The following SLC6A5 variants were observed in gnomAD, a reference collection of about 807,000 sequenced individuals.
SLC6A5 encodes the protein solute carrier family 6 member 5, also known as sodium- and chloride-dependent glycine transporter 2.
Under a neutral mutation model 90.5 loss-of-function variants are expected in SLC6A5, and 58 were observed. That is an observed-to-expected ratio of 0.64 (90% CI 0.52 to 0.80). SLC6A5 has a LOEUF of 0.80. SLC6A5 is among the 30% of genes least tolerant of loss of function. The pLI is 0.00. For missense variants in SLC6A5, 1,015 were observed against 1,017.6 expected, an observed-to-expected ratio of 1.00 and a Z score of 0.03; for synonymous variants, 427 against 401.4, an observed-to-expected ratio of 1.06 and a Z score of -0.76.
intron 6 of SLC6A5, among the ~76,000 whole-genome samples, chr11:20,616,784 C>T (rs1047431186): frequency 6.6e-6 from 1 of 152,154 alleles, no homozygotes; most frequent in Non-Finnish European, 1.5e-5. Flanking sequence ...CTGTGTGTTG[C>T]CAAACAGCCT....
chr11:20,611,539 A>G (rs1282010099), intron 5 of SLC6A5, among the ~76,000 whole-genome samples: 1 of 152,212 alleles, frequency 6.6e-6, no homozygotes, highest in Admixed American at 6.5e-5. Context: ...TCTCTGTCCC[A>G]GGACTTCACC....
At chr11:20,611,517 CT>C (rs1039271352) in intron 5 of SLC6A5, among the ~76,000 whole-genome samples, 7 of 152,290 alleles carry the variant, frequency 4.6e-5, no homozygotes, top group Admixed American at 2.0e-4. Context: ...TGTGAGAATG[CT>C]TTTCTTCATC....
chr11:20,642,001 A>G (rs1853322925), intron 13 of SLC6A5, among the ~76,000 whole-genome samples: 1 of 152,154 alleles, frequency 6.6e-6, no homozygotes, highest in Non-Finnish European at 1.5e-5. Context: ...CTTAGGGAGT[A>G]TTAAGCTGAG....
In SLC6A5 at chr11:20,601,286, C is replaced by G; in HGVS notation, c.161C>G (p.Ser54Cys). The G allele has an allele frequency of 1.3e-6, 2 of 1,588,942 alleles. No homozygotes were observed. Among genetic ancestry groups the G allele is most frequent in the East Asian group, 4.5e-5 (2 of 44,262 alleles). ...CCGCCGCCGCCACGTGTGCCCAGGT[C>G]CGCTTCCACCGGCGCCCAAACTTTC... ...AAPPPPRVPR[S>C]ASTGAQTFQS... is the part of the protein sequence containing the mutation. Residue 54 changes from serine (S) to cysteine (C), a missense_variant, in exon 2 of 16, where the codon TCC (serine) becomes TGC (cysteine). Around this residue, in one of 3 missense-constraint regions of SLC6A5, gnomAD observed 567 missense variants for 507.3 expected, o/e 1.12. Transcript: ENST00000525748.
Position 20,652,589 on chromosome 11 carries a change from C to T in SLC6A5, c.2238+133C>T, listed in dbSNP as rs932404307. On this transcript the variant is annotated intron_variant, in intron 15 of 15. Coordinates refer to ENST00000525748, the MANE Select transcript of SLC6A5 (RefSeq NM_004211.5). ...TTGGTGATGAAGCGATTACAGTTGC[C>T]ACCGTTTCTGTTAAACCCATTTTTA... 4.3e-6 allele frequency: 4 copies of T among 936,648 alleles called. No individual in the cohort carries two copies. The Admixed American group carries it at 6.9e-5, about 16-fold the overall frequency. 58.0% of individuals were successfully genotyped at this position (936,648 alleles called of 1,614,324 possible).
intron 14 of SLC6A5, among the ~76,000 whole-genome samples, chr11:20,651,117 T>G (rs1483418274): frequency 1.3e-5 from 2 of 152,138 alleles, no homozygotes; most frequent in African/African-American, 4.8e-5. Context: ...CTCCGGGATG[T>G]GGGCCATTCC....
intron 7 of SLC6A5, among the ~76,000 whole-genome samples, chr11:20,624,477 C>A (rs1220461939): frequency 1.4e-5 from 2 of 139,664 alleles, no homozygotes; most frequent in Non-Finnish European, 3.2e-5. Flanking sequence ...TTCATCTCAG[C>A]TCTAAACTTT....
At chr11:20,615,785 C>A (rs998052140) in intron 6 of SLC6A5, among the ~76,000 whole-genome samples, 4 of 143,164 alleles carry the variant, frequency 2.8e-5, no homozygotes, top group Admixed American at 1.5e-4. Flanking sequence ...TCGGGCATGG[C>A]AGGAATATAA....
At chr11:20,618,790 A>G (rs1852833146) in intron 7 of SLC6A5, among the ~76,000 whole-genome samples, 1 of 152,026 alleles carries the variant, frequency 6.6e-6, no homozygotes, top group Admixed American at 6.6e-5. Flanking sequence ...TACAAAAATT[A>G]GCTGGGCATG....
chr11:20,633,946 A>G (rs923380480), intron 10 of SLC6A5, among the ~76,000 whole-genome samples: 7 of 152,078 alleles, frequency 4.6e-5, no homozygotes, highest in African/African-American at 1.7e-4. Context: ...ATCTTGGCTC[A>G]CTGCAACTTC....
chr11:20,627,855 G>A (rs1314731486), intron 8 of SLC6A5, 125 bp from the exon 9 acceptor site: 4 of 733,484 alleles, frequency 5.5e-6, no homozygotes, highest in Non-Finnish European at 4.9e-6. Context: ...TGATGTTGAT[G>A]TCGGGGGTCA....
intron 10 of SLC6A5, among the ~76,000 whole-genome samples, chr11:20,635,400 C>CA (rs1853185709): frequency 3.6e-5 from 5 of 138,260 alleles, no homozygotes; most frequent in Non-Finnish European, 8.1e-5. Context: ...TTTCATGCGC[C>CA]GCCCCCCCGC....
chr11:20,635,278 C>A lies in SLC6A5; in HGVS notation c.1625-1029C>A, dbSNP rs181174112. The stretch of plus-strand genomic sequence containing the variant: ...ATTTTACAGATGGACAAAATTGAGG[C>A]TTACAGAAATTAAATAACTTGTCTA... On this transcript the variant is annotated intron_variant, in intron 10 of 15. Coordinates refer to ENST00000525748, the MANE Select transcript of SLC6A5 (RefSeq NM_004211.5). Among the ~76,000 whole-genome samples the A allele has an allele frequency of 7.2e-5, 11 of 152,232 alleles. No homozygotes were observed. In the East Asian group the frequency reaches 1.9e-3, roughly 27 times the overall value.
intron 6 of SLC6A5, among the ~76,000 whole-genome samples, chr11:20,617,379 C>T (rs560793645): frequency 2.0e-5 from 3 of 152,280 alleles, no homozygotes; most frequent in Non-Finnish European, 4.4e-5. Context: ...AAGAGTAGAG[C>T]AATACAGAAA....
chr11:20,626,066 T>A (rs942135524), intron 7 of SLC6A5, among the ~76,000 whole-genome samples: 2 of 152,218 alleles, frequency 1.3e-5, no homozygotes, highest in African/African-American at 4.8e-5. Flanking sequence ...TCAGGCACCA[T>A]GCTAGGTCCT....
chr11:20,608,922 GTC>G (rs138477311), intron 5 of SLC6A5, among the ~76,000 whole-genome samples: 9,227 of 131,082 alleles, frequency 0.07, 371 homozygotes, highest in Admixed American at 0.12. Context: ...CTGTCTGTCT[GTC>G]TCTCTCTCTC....
intron 10 of SLC6A5, among the ~76,000 whole-genome samples, chr11:20,632,189 T>C (rs776061114): frequency 3.9e-5 from 6 of 152,132 alleles, no homozygotes; most frequent in Non-Finnish European, 7.4e-5. Flanking sequence ...GTAACCTCAT[T>C]TCCTCCTAGC....
At chr11:20,617,106 T>G (rs1434862583) in intron 6 of SLC6A5, among the ~76,000 whole-genome samples, 1 of 152,234 alleles carries the variant, frequency 6.6e-6, no homozygotes, top group Non-Finnish European at 1.5e-5. Flanking sequence ...CTTCATTATC[T>G]AAATGAGTTG....
chr11:20,600,333 GAGGAAGAAGAA>G (rs1852435170), intron 1 of SLC6A5, among the ~76,000 whole-genome samples: 1 of 100,290 alleles, frequency 1.0e-5, no homozygotes, highest in Non-Finnish European at 2.1e-5. Context: ...AAAAGAAGAA[GAGGAAGAAGAA>G]GAAGAAGAAG....
Sources: allele counts gnomAD v4.1 joint callset (sites outside exome capture counted in the v4.1 genomes callset), GRCh38; gene constraint gnomAD v4.1.1; regional missense constraint gnomAD v4.1.1; transcripts MANE v1.5; gene names NCBI Gene and HGNC (gene_info 2026-07-23, HGNC 2026-07-21).